Variants in PPFIA2 observed in about 807,000 individuals in gnomAD.
PPFIA2 encodes PPFI scaffold protein A2.
In PPFIA2, 46 loss-of-function variants were observed where a neutral mutation model predicts 175.5. The observed-to-expected ratio is 0.26, with a 90% confidence interval of 0.21 to 0.34. The LOEUF is 0.34. Among genes scored for constraint, PPFIA2 ranks in the 10% least tolerant of loss-of-function variants. The probability of loss-of-function intolerance (pLI) is 1.00; values close to 1 mark genes in which losing one functional copy is unlikely to be tolerated. For missense variants in PPFIA2, 1,179 were observed against 1,506.1 expected (o/e 0.78, Z 3.60); for synonymous variants, 568 against 511.4 (o/e 1.11, Z -1.49).
intron 23 of PPFIA2, among the ~76,000 whole-genome samples, chr12:81,295,844 G>A (rs2046314384): frequency 6.6e-6 from 1 of 151,114 alleles, no homozygotes; most frequent in Non-Finnish European, 1.5e-5. Context: ...ACAAAAATTA[G>A]CTGAGCATGA....
At chr12:81,667,506 T>A (rs1223930024) in intron 4 of PPFIA2, among the ~76,000 whole-genome samples, 1 of 152,058 alleles carries the variant, frequency 6.6e-6, no homozygotes, top group Admixed American at 6.6e-5. Context: ...CTCCTCCCCA[T>A]CATTAATAAC....
chr12:81,282,130 T>C (rs2042218488), intron 26 of PPFIA2, among the ~76,000 whole-genome samples: 1 of 151,978 alleles, frequency 6.6e-6, no homozygotes, highest in African/African-American at 2.4e-5. Context: ...ACCAATACTG[T>C]TCAAAACAGC....
intron 3 of PPFIA2, among the ~76,000 whole-genome samples, chr12:81,693,745 C>T (rs1465432938): frequency 6.6e-6 from 1 of 152,052 alleles, no homozygotes; most frequent in Non-Finnish European, 1.5e-5. Flanking sequence ...TTTGGAACTT[C>T]TTAGAGACTG....
chr12:81,705,546 G>C lies in PPFIA2; in HGVS notation c.250-28702C>G, dbSNP rs1208961943. Among the ~76,000 whole-genome samples the C allele has an allele frequency of 2.0e-5, 3 of 151,398 alleles. No individual in the cohort carries two copies. In the East Asian group the frequency reaches 5.8e-4, roughly 29 times the overall value. Reference sequence around the variant, plus strand: ...ATAGTCCAGTTGGAGGGAGAAGGAAGGAAGATAATCCTATGAACCTCAAAT... The same window carrying C: ...ATAGTCCAGTTGGAGGGAGAAGGAACGAAGATAATCCTATGAACCTCAAAT... On this transcript the variant is annotated intron_variant, in intron 3 of 32. Coordinates refer to ENST00000549396, the MANE Select transcript of PPFIA2 (RefSeq NM_003625.5).
At chr12:81,324,197 G>A (rs1005676895) in intron 22 of PPFIA2, among the ~76,000 whole-genome samples, 2 of 151,950 alleles carry the variant, frequency 1.3e-5, no homozygotes, top group African/African-American at 2.4e-5. Context: ...GTTGAGAAAC[G>A]AGTCTATAAA....
At chr12:81,348,951 A>T (rs550900990) in intron 17 of PPFIA2, among the ~76,000 whole-genome samples, 1 of 152,182 alleles carries the variant, frequency 6.6e-6, no homozygotes, top group African/African-American at 2.4e-5. Flanking sequence ...CTTATATAGA[A>T]CCTGTACCTT....
intron 31 of PPFIA2, among the ~76,000 whole-genome samples, chr12:81,262,538 A>C (rs2035955488): frequency 6.6e-6 from 1 of 152,212 alleles, no homozygotes; most frequent in Non-Finnish European, 1.5e-5. Context: ...TAATGATGCT[A>C]GGTGATTATC....
At chr12:81,569,881 C>T (rs1595076507) in intron 4 of PPFIA2, among the ~76,000 whole-genome samples, 1 of 152,152 alleles carries the variant, frequency 6.6e-6, no homozygotes, top group Admixed American at 6.6e-5. Flanking sequence ...TGTCAACCAT[C>T]CAAGGTTACA....
At chr12:81,674,903 A>G (rs1343688321) in intron 4 of PPFIA2, among the ~76,000 whole-genome samples, 1 of 151,956 alleles carries the variant, frequency 6.6e-6, no homozygotes, top group Non-Finnish European at 1.5e-5. Context: ...AGCTCCCGGC[A>G]GTATGTTCTA....
intron 22 of PPFIA2, among the ~76,000 whole-genome samples, chr12:81,305,931 A>G (rs2049029540): frequency 6.6e-6 from 1 of 152,114 alleles, no homozygotes; most frequent in African/African-American, 2.4e-5. Context: ...CATTCTTCCT[A>G]CTGTGGATGG....
At chr12:81,393,033 T>C (rs1219072967) in intron 8 of PPFIA2, among the ~76,000 whole-genome samples, 1 of 152,094 alleles carries the variant, frequency 6.6e-6, no homozygotes, top group Non-Finnish European at 1.5e-5. Flanking sequence ...ATCTTGTAAC[T>C]GGTTCTTTTT....
intron 7 of PPFIA2, among the ~76,000 whole-genome samples, chr12:81,419,036 C>T (rs932271984): frequency 1.3e-5 from 2 of 151,524 alleles, no homozygotes; most frequent in African/African-American, 2.4e-5. Flanking sequence ...TTTATTTCAC[C>T]GAATTTATCA....
chr12:81,379,687 G>A (rs978271214), intron 9 of PPFIA2, among the ~76,000 whole-genome samples: 131 of 152,124 alleles, frequency 8.6e-4, no homozygotes, highest in Non-Finnish European at 3.1e-4. Context: ...TCCAACTCAC[G>A]TATTCTTCCT....
chr12:81,275,007 C>T (rs1328887290), intron 28 of PPFIA2, among the ~76,000 whole-genome samples: 1 of 152,066 alleles, frequency 6.6e-6, no homozygotes, highest in Admixed American at 6.6e-5. Flanking sequence ...AAACATTTCA[C>T]GTGGTGAGCT....
intron 4 of PPFIA2, among the ~76,000 whole-genome samples, chr12:81,614,003 C>T (rs1459369110): frequency 1.3e-5 from 2 of 152,086 alleles, no homozygotes; most frequent in African/African-American, 4.8e-5. Flanking sequence ...ACTGAATGAA[C>T]AAGCAAAACC....
At chr12:81,327,082 C>A (rs2054944105) in intron 21 of PPFIA2, among the ~76,000 whole-genome samples, 1 of 151,924 alleles carries the variant, frequency 6.6e-6, no homozygotes, top group Non-Finnish European at 1.5e-5. Flanking sequence ...TTTATTTTAC[C>A]AAATAATTTA....
At chr12:81,602,289 T>G in intron 4 of PPFIA2, among the ~76,000 whole-genome samples, 1 of 151,778 alleles carries the variant, frequency 6.6e-6, no homozygotes, top group East Asian at 1.9e-4. Context: ...AAAATGTATG[T>G]TTGTATAATA....
chr12:81,258,984 C>T lies in PPFIA2; in HGVS notation c.*710G>A, dbSNP rs879148577. ...CTTTGTTTTGTATTGAAAAGGAGATCAAGCCATCACAGTGCTATTTCTAAA... is the reference window on the plus strand; with the variant it reads ...CTTTGTTTTGTATTGAAAAGGAGATTAAGCCATCACAGTGCTATTTCTAAA... On this transcript the variant is annotated 3_prime_UTR_variant, in exon 33 of 33. Coordinates refer to ENST00000549396, the MANE Select transcript of PPFIA2 (RefSeq NM_003625.5). The T allele has an allele frequency of 6.6e-6, 1 of 152,114 alleles. No homozygotes were observed. The highest frequency in any genetic ancestry group is 1.9e-4 in the East Asian group (1 of 5,184). 9.4% of individuals were successfully genotyped at this position (152,114 alleles called of 1,614,324 possible). A position where few individuals can be genotyped will look rare whatever the true frequency, so the allele number is the denominator to read the frequency against.
At chr12:81,366,739 ATATC>A (rs1382462183) in intron 14 of PPFIA2, among the ~76,000 whole-genome samples, 6 of 151,844 alleles carry the variant, frequency 4.0e-5, no homozygotes, top group Non-Finnish European at 7.4e-5. Context: ...TGCTGAAAGA[ATATC>A]TAAAACTGAC....
Sources: gnomAD v4.1 joint callset for allele counts (sites outside exome capture counted in the v4.1 genomes callset) on GRCh38, gnomAD v4.1.1 for gene constraint, MANE v1.5 for transcripts, NCBI Gene and HGNC (gene_info 2026-07-23, HGNC 2026-07-21) for gene names.